DMD: variants seen among roughly 807,000 people sequenced by gnomAD.
DMD encodes the protein dystrophin.
In DMD, 63 loss-of-function variants were observed where a neutral mutation model predicts 330.1. That is an observed-to-expected ratio of 0.19 (90% CI 0.16 to 0.24). The LOEUF (loss-of-function observed/expected upper bound fraction) is 0.24. DMD is among the 10% of genes least tolerant of loss of function. The pLI, the probability that DMD is intolerant of heterozygous loss-of-function variation, is 1.00. For missense variants in DMD, 3,344 were observed against 2,684.1 expected, an observed-to-expected ratio of 1.25 and a Z score of -5.43; for synonymous variants, 1,223 against 959.8, an observed-to-expected ratio of 1.27 and a Z score of -5.07.
intron 43 of DMD, among the ~76,000 whole-genome samples, chrX:32,231,302 G>A (rs1263872019): frequency 2.7e-5 from 3 of 112,214 alleles, no homozygotes; most frequent in South Asian, 3.6e-4. Context: ...AGGCAATTTC[G>A]TGTTATCTTC....
intron 47 of DMD, among the ~76,000 whole-genome samples, chrX:31,890,552 T>C (rs1470881540): frequency 9.0e-6 from 1 of 110,790 alleles, no homozygotes; most frequent in Non-Finnish European, 1.9e-5. Flanking sequence ...ATACTCATTA[T>C]AAAAAAGTTA....
At chrX:32,614,657 G>A (rs1176736998) in intron 11 of DMD, among the ~76,000 whole-genome samples, 1 of 111,282 alleles carries the variant, frequency 9.0e-6, no homozygotes, top group African/African-American at 3.3e-5. Flanking sequence ...CACAAATCCT[G>A]ATTTCTAAAA....
chrX:32,820,650 G>T (rs1280586745), intron 5 of DMD, among the ~76,000 whole-genome samples: 1 of 111,175 alleles, frequency 9.0e-6, no homozygotes, highest in East Asian at 2.8e-4. Context: ...CTCTGTGCAT[G>T]CTTGAGTTCT....
chrX:33,174,070 C>A (rs2049513110), intron 1 of DMD, among the ~76,000 whole-genome samples: 1 of 108,390 alleles, frequency 9.2e-6, no homozygotes, highest in Non-Finnish European at 1.9e-5. Context: ...CCCAGAATCC[C>A]CAGACCCTGC....
intron 1 of DMD, among the ~76,000 whole-genome samples, chrX:33,063,785 C>T (rs760804057): frequency 7.3e-5 from 8 of 110,302 alleles, no homozygotes; most frequent in Admixed American, 6.8e-4. Flanking sequence ...ATCTCTATGC[C>T]GGGGCTTGGG....
rs373121387 is a variant in DMD, at chrX:31,275,745, G to A, written c.9225-14729C>T. Among the ~76,000 whole-genome samples the A allele has an allele frequency of 5.2e-4, 58 of 111,355 alleles. 1 individual carries two copies. The East Asian group carries it at 0.01, about 20-fold the overall frequency. On this transcript the variant is annotated intron_variant, in intron 62 of 78. Coordinates refer to ENST00000357033, the MANE Select transcript of DMD (RefSeq NM_004006.3). ...AGTCTGAACTAAGAAAGGAGCACTG[G>A]GAATTTGTGGAGAGGCTGAATTCAT... is the stretch of plus-strand genomic sequence containing the variant.
At chrX:31,367,156 A>G (rs1411990682) in intron 60 of DMD, among the ~76,000 whole-genome samples, 1 of 111,551 alleles carries the variant, frequency 9.0e-6, no homozygotes, top group Non-Finnish European at 1.9e-5. Context: ...GGCTCATTGG[A>G]TAAGTATGAG....
chrX:32,868,283 G>A (rs1156642632), intron 2 of DMD, among the ~76,000 whole-genome samples: 1 of 111,757 alleles, frequency 8.9e-6, no homozygotes, highest in East Asian at 2.8e-4. Context: ...ACACAGCTGT[G>A]CAGATTCTCG....
At chrX:33,168,853 A>G (rs932195677) in intron 1 of DMD, among the ~76,000 whole-genome samples, 1 of 110,733 alleles carries the variant, frequency 9.0e-6, no homozygotes, top group African/African-American at 3.3e-5. Context: ...ATAATTAGTT[A>G]TAGGATTGAG....
At position 31,366,866 on chromosome X, in the gene DMD, G is replaced by A. The variant is rs747179947; in HGVS notation, c.9085-18232C>T. ...CAAAGACATTTTCTCCTCTATTATA[G>A]CTTTATTTAATGTTTCCCTTATGCT... On this transcript the variant is annotated intron_variant, in intron 60 of 78. Transcript: ENST00000357033. 9.2e-5 allele frequency among the ~76,000 whole-genome samples: 10 copies of A among 108,628 alleles called. No individual in the cohort carries two copies. In the East Asian group the frequency reaches 2.6e-3, roughly 28 times the overall value. 94.3% of individuals were successfully genotyped at this position (108,628 alleles called of 115,157 possible). A position where few individuals can be genotyped will look rare whatever the true frequency, so the allele number is the denominator to read the frequency against.
chrX:32,664,188 G>T (rs187527288), intron 9 of DMD, among the ~76,000 whole-genome samples: 20 of 109,014 alleles, frequency 1.8e-4, no homozygotes, highest in Non-Finnish European at 9.5e-5. Context: ...TAAGTAGTCA[G>T]AAGTGATCAG....
At position 31,569,624 on chromosome X, in the gene DMD, G is replaced by GTATATACGTATATATATGTATATACGTA. The variant is rs1306346875; in HGVS notation, c.8217+58021_8217+58048dup. Among the ~76,000 whole-genome samples, 19 of 96,887 alleles carry GTATATACGTATATATATGTATATACGTA rather than the reference G, an allele frequency of 2.0e-4. No homozygotes were observed. In the South Asian group the frequency reaches 2.7e-3, roughly 14 times the overall value. 84.1% of individuals were successfully genotyped at this position (96,887 alleles called of 115,157 possible). A position where few individuals can be genotyped will look rare whatever the true frequency, so the allele number is the denominator to read the frequency against. On this transcript the variant is annotated intron_variant, in intron 55 of 78. Transcript: ENST00000357033. Reference sequence around the variant, plus strand: ...CATATATGTATATACGTATATATACGTATATACGTATATATATGTATATAC... The same window carrying GTATATACGTATATATATGTATATACGTA: ...CATATATGTATATACGTATATATACGTATATACGTATATATATGTATATACGTATATATACGTATATATATGTATATAC...
chrX:31,541,134 G>C (rs1393080423), intron 55 of DMD, among the ~76,000 whole-genome samples: 1 of 111,527 alleles, frequency 9.0e-6, no homozygotes, highest in Non-Finnish European at 1.9e-5. Flanking sequence ...GGTAGCTACC[G>C]AGCAATTGAA....
intron 41 of DMD, among the ~76,000 whole-genome samples, chrX:32,331,135 T>C (rs1391251334): frequency 8.9e-6 from 1 of 111,899 alleles, no homozygotes; most frequent in East Asian, 2.8e-4. Flanking sequence ...TCTTGCATAC[T>C]TCATAATGCG....
intron 9 of DMD, among the ~76,000 whole-genome samples, chrX:32,671,936 T>A (rs1216784368): frequency 9.0e-6 from 1 of 111,311 alleles, no homozygotes; most frequent in Non-Finnish European, 1.9e-5. Context: ...TTATTGTTTC[T>A]CTGAAAAAAC....
chrX:32,610,753 T>C (rs771375310), intron 12 of DMD, among the ~76,000 whole-genome samples: 1 of 111,004 alleles, frequency 9.0e-6, no homozygotes, highest in East Asian at 2.8e-4. Flanking sequence ...TAAAAATAAA[T>C]ATTATATTAG....
chrX:31,429,293 T>C (rs1199154946), intron 60 of DMD, among the ~76,000 whole-genome samples: 1 of 111,825 alleles, frequency 8.9e-6, no homozygotes, highest in African/African-American at 3.3e-5. Flanking sequence ...TTGACTGTGC[T>C]CAGGTGGGTG....
chrX:32,083,497 T>A (rs1017672108), intron 44 of DMD, among the ~76,000 whole-genome samples: 1 of 111,166 alleles, frequency 9.0e-6, no homozygotes, highest in African/African-American at 3.3e-5. Context: ...GACCTCATGA[T>A]CCGCCTGCCT....
intron 25 of DMD, among the ~76,000 whole-genome samples, chrX:32,456,799 G>C (rs1055417573): frequency 5.5e-5 from 6 of 108,598 alleles, no homozygotes; most frequent in African/African-American, 2.0e-4. Context: ...GGTGCCATTT[G>C]TAATAACAGG....
Sources: allele counts gnomAD v4.1 joint callset (sites outside exome capture counted in the v4.1 genomes callset), GRCh38; gene constraint gnomAD v4.1.1; transcripts MANE v1.5; gene names NCBI Gene and HGNC (gene_info 2026-07-23, HGNC 2026-07-21).